Variants in SCAMP1 observed in about 807,000 individuals in gnomAD.
SCAMP1 encodes secretory carrier membrane protein 1.
In SCAMP1, 15 loss-of-function variants were observed where a neutral mutation model predicts 41.8. The observed-to-expected ratio is 0.36, with a 90% CI of 0.24 to 0.55. The LOEUF (loss-of-function observed/expected upper bound fraction) is 0.55, where lower values mean the gene tolerates loss of function less well. SCAMP1 is among the 20% of genes least tolerant of loss of function. The probability of loss-of-function intolerance (pLI) is 0.86; values close to 1 mark genes in which losing one functional copy is unlikely to be tolerated. For missense variants in SCAMP1, 341 were observed against 412.6 expected (o/e 0.83, Z 1.50); for synonymous variants, 135 against 136.8 (o/e 0.99, Z 0.09).
rs1183129304 is a variant in SCAMP1 at position 78,391,194 on chromosome 5, G to A, written c.135+2280G>A. 2.6e-3 allele frequency among the ~76,000 whole-genome samples: 401 copies of A among 151,920 alleles called. 1 individual carries two copies. Among genetic ancestry groups the A allele is most frequent in the African/African-American group, 9.2e-3 (380 of 41,392 alleles). ...ACACCTCCCAGACGGGGTGGTGGCC[G>A]GGCAGAGGGGCTCCTCACTTCCCAG... On this transcript the variant is annotated intron_variant, in intron 2 of 8. Coordinates refer to ENST00000621999, the MANE Select transcript of SCAMP1 (RefSeq NM_004866.6).
chr5:78,422,661 T>G (rs1042855862), intron 6 of SCAMP1, among the ~76,000 whole-genome samples: 3 of 152,320 alleles, frequency 2.0e-5, no homozygotes, highest in African/African-American at 7.2e-5. Flanking sequence ...TTACACTCTT[T>G]AAGTACCTAG....
At position 78,360,707 on chromosome 5, in the gene SCAMP1, G is replaced by A. The variant is rs769633336; in HGVS notation, c.36G>A (p.Pro12=). The A allele has an allele frequency of 1.7e-5, 28 of 1,610,242 alleles. No individual in the cohort carries two copies. The highest frequency in any genetic ancestry group is 2.5e-6 in the Non-Finnish European group (3 of 1,178,514). The change falls in exon 1 of 9, where the codon CCG becomes CCA. Residue 12 remains proline, a synonymous_variant. Coordinates refer to ENST00000621999, the MANE Select transcript of SCAMP1 (RefSeq NM_004866.6). ...TCGACAGTAACCCGTTTGCCGACCC[G>A]GATCTCAACAATCCCTTCAAGGTGA... is the stretch of plus-strand genomic sequence containing the variant. The part of the protein sequence containing the change: ...SDFDSNPFAD[P]DLNNPFKDPS...
At chr5:78,465,971 G>A (rs891150) in intron 8 of SCAMP1, among the ~76,000 whole-genome samples, 115,601 of 152,222 alleles carry the variant, frequency 0.76, 44,511 homozygotes, top group African/African-American at 0.83. Flanking sequence ...ACATCTACAA[G>A]ATACCTTCAC....
intron 1 of SCAMP1, among the ~76,000 whole-genome samples, chr5:78,384,514 G>A (rs1751294859): frequency 6.6e-6 from 1 of 151,906 alleles, no homozygotes; most frequent in Admixed American, 6.6e-5. Flanking sequence ...GGTGAAAGTG[G>A]GCATCCTTGT....
intron 1 of SCAMP1, among the ~76,000 whole-genome samples, chr5:78,381,279 G>A (rs1469057141): frequency 1.3e-5 from 2 of 152,186 alleles, no homozygotes; most frequent in Non-Finnish European, 2.9e-5. Flanking sequence ...TTTAGACTGA[G>A]CCTGTAAGGA....
intron 6 of SCAMP1, among the ~76,000 whole-genome samples, chr5:78,449,370 T>C: frequency 6.6e-6 from 1 of 152,142 alleles, no homozygotes; most frequent in Non-Finnish European, 1.5e-5. Flanking sequence ...ATAGCTGTGC[T>C]GAGTAAAATA....
At chr5:78,426,132 T>A (rs908306345) in intron 6 of SCAMP1, among the ~76,000 whole-genome samples, 2 of 152,188 alleles carry the variant, frequency 1.3e-5, no homozygotes, top group African/African-American at 2.4e-5. Flanking sequence ...ACTCATTTCT[T>A]TTTTATGGCT....
At chr5:78,467,648 A>G (rs1753780314) in intron 8 of SCAMP1, among the ~76,000 whole-genome samples, 1 of 152,192 alleles carries the variant, frequency 6.6e-6, no homozygotes, top group African/African-American at 2.4e-5. Context: ...TGTGTTCACA[A>G]GTTCCTAAAC....
At position 78,478,822 on chromosome 5, in the gene SCAMP1, G is replaced by A. The variant is rs1398464781; in HGVS notation, c.*3154G>A. 2 of 151,916 alleles carry A rather than the reference G, an allele frequency of 1.3e-5. No homozygotes were observed. Among genetic ancestry groups the A allele is most frequent in the Non-Finnish European group, 2.9e-5 (2 of 67,910 alleles). The allele number at this position is 151,916 out of a possible 1,614,324, so 9.4% of individuals were successfully genotyped here. On this transcript the variant is annotated 3_prime_UTR_variant, in exon 9 of 9. Coordinates refer to ENST00000621999, the MANE Select transcript of SCAMP1 (RefSeq NM_004866.6). ...ATTTTGAGAAATACATGTTAAAAAA[G>A]GAACAGTATTCTTTATTTTCTGGGT... is the stretch of plus-strand genomic sequence containing the variant.
chr5:78,469,895 A>T (rs1442804188), intron 8 of SCAMP1, among the ~76,000 whole-genome samples: 10 of 34,914 alleles, frequency 2.9e-4, no homozygotes, highest in African/African-American at 2.7e-3. Flanking sequence ...GACATTAAAA[A>T]AAAAAAAAAA....
intron 1 of SCAMP1, among the ~76,000 whole-genome samples, chr5:78,363,815 T>A (rs1750725050): frequency 6.6e-6 from 1 of 152,228 alleles, no homozygotes; most frequent in Non-Finnish European, 1.5e-5. Context: ...TCAGTTCATT[T>A]TTTTTTGTTG....
At chr5:78,448,518 A>C (rs76720385) in intron 6 of SCAMP1, among the ~76,000 whole-genome samples, 498 of 152,360 alleles carry the variant, frequency 3.3e-3, no homozygotes, top group Non-Finnish European at 5.1e-3. Context: ...TCATGAAAGA[A>C]GATCTATATA....
At chr5:78,435,380 C>T (rs1752722973) in intron 6 of SCAMP1, among the ~76,000 whole-genome samples, 1 of 152,190 alleles carries the variant, frequency 6.6e-6, no homozygotes, top group South Asian at 2.1e-4. Flanking sequence ...TGCTATCCCT[C>T]CTCCAGCCCC....
chr5:78,369,259 G>A (rs535872731), intron 1 of SCAMP1, among the ~76,000 whole-genome samples: 3 of 151,966 alleles, frequency 2.0e-5, no homozygotes, highest in East Asian at 1.9e-4. Context: ...GGCGTGCACC[G>A]CCACACCTGG....
At chr5:78,403,662 G>T (rs775701729) in intron 2 of SCAMP1, among the ~76,000 whole-genome samples, 3 of 151,826 alleles carry the variant, frequency 2.0e-5, no homozygotes, top group Non-Finnish European at 4.4e-5. Context: ...ACAAAACAAA[G>T]AACAAAAATT....
intron 5 of SCAMP1, among the ~76,000 whole-genome samples, chr5:78,420,234 T>C (rs1752310027): frequency 6.6e-6 from 1 of 152,216 alleles, no homozygotes; most frequent in Non-Finnish European, 1.5e-5. Flanking sequence ...TTTTGTATTT[T>C]CATCTATACT....
chr5:78,396,262 G>C (rs1376841838), intron 2 of SCAMP1, among the ~76,000 whole-genome samples: 1 of 152,160 alleles, frequency 6.6e-6, no homozygotes, highest in East Asian at 1.9e-4. Context: ...GGGTGATGAT[G>C]ATGTGTCAGT....
chr5:78,418,000 A>G (rs1051799716), intron 4 of SCAMP1, among the ~76,000 whole-genome samples: 2 of 151,874 alleles, frequency 1.3e-5, no homozygotes, highest in African/African-American at 4.8e-5. Flanking sequence ...TTTACCCGCT[A>G]TTTTCATGTT....
chr5:78,419,603 C>T (rs1752291011), intron 5 of SCAMP1, among the ~76,000 whole-genome samples: 1 of 152,280 alleles, frequency 6.6e-6, no homozygotes, highest in South Asian at 2.1e-4. Context: ...TAGTCTCAGC[C>T]TCATTTTGAT....
Sources: allele counts gnomAD v4.1 joint callset (sites outside exome capture counted in the v4.1 genomes callset), GRCh38; gene constraint gnomAD v4.1.1; transcripts MANE v1.5; gene names NCBI Gene and HGNC (gene_info 2026-07-23, HGNC 2026-07-21).